Variants in PCSK5 observed in about 807,000 individuals in gnomAD.
PCSK5 encodes the protein prohormone convertase 5.
A neutral mutation model predicts 233.2 loss-of-function variants in PCSK5; 129 were observed. That is an observed-to-expected ratio of 0.55 (90% confidence interval 0.48 to 0.64). The LOEUF (loss-of-function observed/expected upper bound fraction) is 0.64. Among genes scored for constraint, PCSK5 ranks in the 30% least tolerant of loss-of-function variants. The probability of loss-of-function intolerance (pLI) is 0.00; values close to 1 mark genes in which losing one functional copy is unlikely to be tolerated. For missense variants in PCSK5, 2,076 were observed against 2,430.1 expected, an observed-to-expected ratio of 0.85 and a Z score of 3.06; for synonymous variants, 825 against 879.2, an observed-to-expected ratio of 0.94 and a Z score of 1.09.
At chr9:75,984,028 C>T (rs1401347490) in intron 2 of PCSK5, among the ~76,000 whole-genome samples, 1 of 152,156 alleles carries the variant, frequency 6.6e-6, no homozygotes, top group African/African-American at 2.4e-5. Context: ...GCCCTGTGAT[C>T]AGACAGAGTG....
chr9:75,986,952 G>T (rs763418131), intron 3 of PCSK5, among the ~76,000 whole-genome samples: 1 of 152,186 alleles, frequency 6.6e-6, no homozygotes, highest in Non-Finnish European at 1.5e-5. Context: ...ACTTACTCAT[G>T]AAATCCACAT....
In PCSK5 at chr9:76,308,651, T is replaced by G; in HGVS notation, c.3611T>G (p.Leu1204Trp). The change falls in exon 29 of 38, where the codon TTG (leucine) becomes TGG (tryptophan). Residue 1204 changes from leucine to tryptophan, a missense_variant. Leu to Trp is a moderately conservative substitution (Grantham distance 61). Around this residue, in one of 6 missense-constraint regions of PCSK5, gnomAD observed 1,510 missense variants for 1,538.1 expected, o/e 0.98. Coordinates refer to ENST00000674117, the MANE Select transcript of PCSK5 (RefSeq NM_001372043.1). The part of the protein sequence containing the change: ...RWKVQIKRDI[L>W]RKLQPCHSSC... ...TTGTTTCTTTCTCATACAGATATTT[T>G]GAGAAAACTCCAGCCTTGTCATTCT... is the stretch of plus-strand genomic sequence containing the variant. The G allele has an allele frequency of 6.3e-7, 1 of 1,593,650 alleles. No individual in the cohort carries two copies.
intron 24 of PCSK5, among the ~76,000 whole-genome samples, chr9:76,250,639 A>G (rs181543813): frequency 1.3e-5 from 2 of 152,320 alleles, no homozygotes; most frequent in African/African-American, 2.4e-5. Flanking sequence ...CCAGTTCATT[A>G]AACAAGTCAA....
chr9:76,309,041 G>A (rs1430446758), intron 29 of PCSK5, among the ~76,000 whole-genome samples: 2 of 152,058 alleles, frequency 1.3e-5, no homozygotes, highest in African/African-American at 2.4e-5. Context: ...AACATAGTGA[G>A]ACCCCATCTC....
At chr9:76,098,904 C>G (rs948016982) in intron 8 of PCSK5, among the ~76,000 whole-genome samples, 11 of 152,264 alleles carry the variant, frequency 7.2e-5, no homozygotes, top group African/African-American at 2.6e-4. Flanking sequence ...ACTCCCATGG[C>G]AGGGGTGTCA....
At chr9:76,261,012 T>A (rs1803017831) in intron 24 of PCSK5, among the ~76,000 whole-genome samples, 1 of 152,180 alleles carries the variant, frequency 6.6e-6, no homozygotes, top group Admixed American at 6.5e-5. Context: ...TTCATGCCTA[T>A]CCTGAAGACG....
At chr9:76,038,670 A>T (rs1828966616) in intron 5 of PCSK5, among the ~76,000 whole-genome samples, 1 of 152,182 alleles carries the variant, frequency 6.6e-6, no homozygotes, top group Middle Eastern at 3.2e-3. Context: ...AATTGAAGAG[A>T]TCAAAGAGTT....
intron 28 of PCSK5, among the ~76,000 whole-genome samples, chr9:76,303,734 C>A (rs1349767957): frequency 6.6e-6 from 1 of 152,168 alleles, no homozygotes; most frequent in Non-Finnish European, 1.5e-5. Flanking sequence ...CCCTCGGGGA[C>A]AGAATCGGTT....
At chr9:76,254,216 G>A (rs1826905557) in intron 24 of PCSK5, among the ~76,000 whole-genome samples, 1 of 152,190 alleles carries the variant, frequency 6.6e-6, no homozygotes, top group Admixed American at 6.5e-5. Flanking sequence ...CCATGTGCCT[G>A]CAGAAAAGAG....
rs551766720 is a variant in PCSK5 at position 76,012,158 on chromosome 9, G to A, written c.412-11580G>A. The stretch of plus-strand genomic sequence containing the variant: ...ACACAAGCAAATGAATACATGTTTC[G>A]ACAGTTTACAGATGTAGTATAACTG... On this transcript the variant is annotated intron_variant, in intron 3 of 37. Coordinates refer to ENST00000674117, the MANE Select transcript of PCSK5 (RefSeq NM_001372043.1). Among the ~76,000 whole-genome samples, 10 of 152,264 alleles carry A rather than the reference G, an allele frequency of 6.6e-5. No homozygotes were observed. The South Asian group carries it at 1.7e-3, about 25-fold the overall frequency.
chr9:76,011,525 T>C (rs541910859), intron 3 of PCSK5, among the ~76,000 whole-genome samples: 10 of 152,362 alleles, frequency 6.6e-5, no homozygotes, highest in African/African-American at 2.4e-4. Flanking sequence ...TTGATTTTGC[T>C]GATTGTCAGA....
chr9:76,321,519 C>G lies in PCSK5; in HGVS notation c.3982C>G (p.His1328Asp). 1 of 1,612,026 alleles carries G rather than the reference C, an allele frequency of 6.2e-7. No individual in the cohort carries two copies. Among genetic ancestry groups the G allele is most frequent in the African/African-American group, 1.3e-5 (1 of 75,010 alleles). The change falls in exon 31 of 38, where the codon CAC becomes GAC. Residue 1328 changes from histidine to aspartate, a missense_variant. By Grantham distance (81) the His-to-Asp change is moderately conservative. This residue lies in a region of PCSK5 where 1,510 missense variants were observed against 1,538.1 expected (regional missense o/e 0.98). Transcript: ENST00000674117. ...ATNCHSCEGG[H>D]VLHHGVCQEN... ...CAACTGCCATTCTTGTGAAGGAGGC[C>G]ACGTCCTGCACCACGGAGTGTGCCA...
intron 22 of PCSK5, among the ~76,000 whole-genome samples, chr9:76,235,805 G>C (rs1440394237): frequency 6.6e-6 from 1 of 152,218 alleles, no homozygotes; most frequent in Non-Finnish European, 1.5e-5. Context: ...CTGCCTCCTT[G>C]AGAGTGTGAT....
At chr9:76,144,962 C>G (rs1047287313) in intron 10 of PCSK5, among the ~76,000 whole-genome samples, 3 of 152,064 alleles carry the variant, frequency 2.0e-5, no homozygotes. Flanking sequence ...CCCATCTCTA[C>G]TAAAAATAAA....
At chr9:76,224,057 A>C (rs1825806732) in intron 20 of PCSK5, among the ~76,000 whole-genome samples, 1 of 152,194 alleles carries the variant, frequency 6.6e-6, no homozygotes, top group Non-Finnish European at 1.5e-5. Flanking sequence ...CAGACTTGAG[A>C]GACAGGCACA....
At chr9:75,992,851 GA>G (rs550216531) in intron 3 of PCSK5, among the ~76,000 whole-genome samples, 105 of 151,972 alleles carry the variant, frequency 6.9e-4, no homozygotes, top group African/African-American at 2.2e-3. Context: ...TTTTCTGAAG[GA>G]AAAAAAATTC....
chr9:76,254,389 C>T (rs1297485822), intron 24 of PCSK5, among the ~76,000 whole-genome samples: 1 of 152,008 alleles, frequency 6.6e-6, no homozygotes, highest in Non-Finnish European at 1.5e-5. Context: ...CTCTTCTGCT[C>T]CTCTGAACTT....
intron 30 of PCSK5, among the ~76,000 whole-genome samples, chr9:76,316,561 CA>C (rs112529561): frequency 5.0e-4 from 69 of 137,976 alleles, no homozygotes; most frequent in Admixed American, 5.2e-4. Context: ...CCCATCTCTA[CA>C]AAAAAAAAAA....
chr9:76,223,640 C>T lies in PCSK5; in HGVS notation c.2627-3863C>T, dbSNP rs1374727203. On this transcript the variant is annotated intron_variant, in intron 20 of 37. Transcript: ENST00000674117. ...GAAAGAAACTAAAGGGGGAATGGAA[C>T]ATTTTTTGATCACAGGAGAAAGATG... is the stretch of plus-strand genomic sequence containing the variant. 5.3e-5 allele frequency among the ~76,000 whole-genome samples: 8 copies of T among 152,142 alleles called. No homozygotes were observed. The East Asian group carries it at 1.2e-3, about 22-fold the overall frequency.
Sources: allele counts gnomAD v4.1 joint callset (sites outside exome capture counted in the v4.1 genomes callset), GRCh38; gene constraint gnomAD v4.1.1; regional missense constraint gnomAD v4.1.1; transcripts MANE v1.5; gene names NCBI Gene and HGNC (gene_info 2026-07-23, HGNC 2026-07-21).